The following PLXNA4 variants were observed in gnomAD, a reference collection of about 807,000 sequenced individuals.
PLXNA4 encodes plexin A4.
In PLXNA4, 44 loss-of-function variants were observed where a neutral mutation model predicts 191.8. The observed-to-expected ratio is 0.23, with a 90% CI of 0.18 to 0.29. The LOEUF (loss-of-function observed/expected upper bound fraction) is 0.29. Ranked by LOEUF, PLXNA4 falls within the 10% of genes least tolerant of loss-of-function variation. The pLI is 1.00. For synonymous variants in PLXNA4, 1,082 were observed against 1,009.5 expected (o/e 1.07, Z -1.36); for missense variants, 1,800 against 2,488.8 (o/e 0.72, Z 5.89).
chr7:132,387,535 T>C (rs192676349), intron 3 of PLXNA4, among the ~76,000 whole-genome samples: 4 of 152,246 alleles, frequency 2.6e-5, no homozygotes, highest in African/African-American at 4.8e-5. Context: ...GAAAACTGAA[T>C]AGCCCATCTG....
At chr7:132,227,396 C>T in intron 7 of PLXNA4, 55 bp downstream of exon 7, 1 of 1,609,148 alleles carries the variant, frequency 6.2e-7, no homozygotes, top group South Asian at 1.1e-5. Context: ...CCTGAGTTCT[C>T]CTTATCTAGC....
At chr7:132,195,180 TG>T (rs56060210) in intron 13 of PLXNA4, among the ~76,000 whole-genome samples, 29,748 of 152,164 alleles carry the variant, frequency 0.2, 3,313 homozygotes, top group Middle Eastern at 0.34. Flanking sequence ...AAGATATATG[TG>T]TTTTTTTAAA....
chr7:132,298,081 A>T lies in PLXNA4; in HGVS notation c.1503+10T>A. 1 of 1,614,144 alleles carries T rather than the reference A, an allele frequency of 6.2e-7. No individual in the cohort carries two copies. The highest frequency in any genetic ancestry group is 8.5e-7 in the Non-Finnish European group (1 of 1,179,998). ...AAGACAAATGTCTAGCGGAGCCCGA[A>T]GAGCCTTACCTGCCTCTCTGACATG... On this transcript the variant is annotated intron_variant, in intron 4 of 31. Coordinates refer to ENST00000321063, the MANE Select transcript of PLXNA4 (RefSeq NM_020911.2).
At chr7:132,574,751 C>T (rs1802146518) in intron 1 of PLXNA4, among the ~76,000 whole-genome samples, 1 of 152,166 alleles carries the variant, frequency 6.6e-6, no homozygotes, top group Non-Finnish European at 1.5e-5. Context: ...CCCAGCCTAG[C>T]CAGAGACCTT....
At chr7:132,351,478 T>G (rs1047277800) in intron 3 of PLXNA4, among the ~76,000 whole-genome samples, 1 of 152,166 alleles carries the variant, frequency 6.6e-6, no homozygotes, top group Non-Finnish European at 1.5e-5. Flanking sequence ...CACCCCGTCA[T>G]CTCTAGCAGA....
At chr7:132,192,234 G>A (rs1797114284) in intron 14 of PLXNA4, among the ~76,000 whole-genome samples, 2 of 152,136 alleles carry the variant, frequency 1.3e-5, no homozygotes, top group Admixed American at 1.3e-4. Context: ...CTAGACTGTA[G>A]GCCTCCTGAG....
intron 4 of PLXNA4, among the ~76,000 whole-genome samples, chr7:132,255,859 C>T (rs1799413843): frequency 6.6e-6 from 1 of 152,240 alleles, no homozygotes; most frequent in African/African-American, 2.4e-5. Context: ...AGGAAAACCC[C>T]AGCAAGTAAG....
At chr7:132,502,033 T>A (rs1213961377) in intron 2 of PLXNA4, among the ~76,000 whole-genome samples, 1 of 152,074 alleles carries the variant, frequency 6.6e-6, no homozygotes, top group Non-Finnish European at 1.5e-5. Flanking sequence ...TACAACCCCA[T>A]CAAGTCTGAG....
At chr7:132,393,693 A>T (rs1267770574) in intron 3 of PLXNA4, among the ~76,000 whole-genome samples, 1 of 152,204 alleles carries the variant, frequency 6.6e-6, no homozygotes, top group Non-Finnish European at 1.5e-5. Flanking sequence ...GTAAGTAGAC[A>T]TGGCAAGGGA....
chr7:132,622,135 C>A (rs1020672125), intron 2 of PLXNA4, among the ~76,000 whole-genome samples: 5 of 152,206 alleles, frequency 3.3e-5, no homozygotes, highest in Admixed American at 2.6e-4. Flanking sequence ...CAGGACTGGC[C>A]TATAAAAACC....
intron 2 of PLXNA4, among the ~76,000 whole-genome samples, chr7:132,496,363 A>T (rs1344940690): frequency 6.6e-6 from 1 of 152,138 alleles, no homozygotes; most frequent in Non-Finnish European, 1.5e-5. Flanking sequence ...CAAAACCCCA[A>T]ATTCCTGGTG....
chr7:132,435,128 C>A (rs972547692), intron 3 of PLXNA4, among the ~76,000 whole-genome samples: 2 of 152,138 alleles, frequency 1.3e-5, no homozygotes, highest in African/African-American at 4.8e-5. Flanking sequence ...ATGTTTGCCT[C>A]GCCTCGGGCT....
At chr7:132,408,461 TTTA>T (rs1457102479) in intron 3 of PLXNA4, among the ~76,000 whole-genome samples, 1 of 151,806 alleles carries the variant, frequency 6.6e-6, no homozygotes, top group Non-Finnish European at 1.5e-5. Context: ...TATTTATTTA[TTTA>T]TTTATTTATT....
At chr7:132,257,210 G>A (rs535627951) in intron 4 of PLXNA4, among the ~76,000 whole-genome samples, 1 of 152,308 alleles carries the variant, frequency 6.6e-6, no homozygotes, top group African/African-American at 2.4e-5. Flanking sequence ...CTCTCGTGAT[G>A]AGCTGCAGCT....
upstream of PLXNA4, among the ~76,000 whole-genome samples, chr7:132,578,508 T>C (rs145705187): frequency 2.9e-3 from 446 of 152,344 alleles, 3 homozygotes; most frequent in African/African-American, 0.01. Flanking sequence ...TAAATGCCTA[T>C]ACCTCCCTAT....
At chr7:132,476,111 T>A (rs1461704890) in intron 3 of PLXNA4, among the ~76,000 whole-genome samples, 1 of 152,162 alleles carries the variant, frequency 6.6e-6, no homozygotes, top group Non-Finnish European at 1.5e-5. Flanking sequence ...TGTTTGTGCA[T>A]GTTTATGACT....
rs143956084 is a variant in PLXNA4, at chr7:132,645,093, G to A, written c.-87+835C>T. On this transcript the variant is annotated intron_variant, in intron 2 of 4. Transcript: ENST00000378539. ...AGAGCTGAGTGTGGGCCACAGGGGC[G>A]AGCCACCTGTTACTAACGATGCCCA... Among the ~76,000 whole-genome samples, 520 of 152,286 alleles carry A rather than the reference G, an allele frequency of 3.4e-3. 2 individuals are homozygous for A. The highest frequency in any genetic ancestry group is 4.0e-3 in the Admixed American group (61 of 15,290).
rs568943905 is a variant in PLXNA4 at position 132,644,792 on chromosome 7, A to C, written c.-87+1136T>G. Among the ~76,000 whole-genome samples, 25 of 152,352 alleles carry C rather than the reference A, an allele frequency of 1.6e-4. No individual in the cohort carries two copies. The East Asian group carries it at 4.8e-3, about 29-fold the overall frequency. On this transcript the variant is annotated intron_variant, in intron 2 of 4. Transcript: ENST00000378539. Reference sequence around the variant, plus strand: ...AATGATGAATCAATATCTGAGAGGCAGAGAAAGTGCTTTATTAGGACCTTT... The same window carrying C: ...AATGATGAATCAATATCTGAGAGGCCGAGAAAGTGCTTTATTAGGACCTTT...
intron 2 of PLXNA4, among the ~76,000 whole-genome samples, chr7:132,645,082 G>A (rs750161463): frequency 6.6e-6 from 1 of 152,172 alleles, no homozygotes; most frequent in Non-Finnish European, 1.5e-5. Context: ...CTGAGTGTGG[G>A]CCACAGGGGC....
Sources: allele counts gnomAD v4.1 joint callset (sites outside exome capture counted in the v4.1 genomes callset), GRCh38; gene constraint gnomAD v4.1.1; transcripts MANE v1.5; gene names NCBI Gene and HGNC (gene_info 2026-07-23, HGNC 2026-07-21).